The following WNK3 variants were observed in gnomAD, a reference collection of about 807,000 sequenced individuals.
WNK3 encodes the protein serine/threonine-protein kinase WNK3.
WNK3 carries 18 observed loss-of-function variants against 116.7 expected under a neutral mutation model. That is an observed-to-expected ratio of 0.15 (90% CI 0.11 to 0.23). The LOEUF is 0.23. Ranked by LOEUF, WNK3 falls within the 10% of genes least tolerant of loss-of-function variation. The probability of loss-of-function intolerance (pLI) is 1.00; values close to 1 mark genes in which losing one functional copy is unlikely to be tolerated. For synonymous variants in WNK3, 404 were observed against 469.4 expected, an observed-to-expected ratio of 0.86 and a Z score of 1.80; for missense variants, 993 against 1,323.8, an observed-to-expected ratio of 0.75 and a Z score of 3.88.
chrX:54,342,832 T>C (rs1557176704), intron 1 of WNK3, among the ~76,000 whole-genome samples: 1 of 110,446 alleles, frequency 9.1e-6, no homozygotes, highest in African/African-American at 3.3e-5. Flanking sequence ...GGGGCCATCG[T>C]GGATTCAAAT....
At chrX:54,302,742 T>C (rs2068775834) in intron 5 of WNK3, among the ~76,000 whole-genome samples, 2 of 45,058 alleles carry the variant, frequency 4.4e-5, no homozygotes, top group African/African-American at 7.7e-5. Flanking sequence ...TATATATATA[T>C]ATATATATAT....
intron 22 of WNK3, among the ~76,000 whole-genome samples, chrX:54,227,657 C>CAA: frequency 9.1e-6 from 1 of 109,586 alleles, no homozygotes; most frequent in South Asian, 3.8e-4. Flanking sequence ...TTCATAATAG[C>CAA]AAAAAAAAGA....
intron 22 of WNK3, among the ~76,000 whole-genome samples, chrX:54,225,202 G>A (rs1181932299): frequency 9.2e-6 from 1 of 109,239 alleles, no homozygotes; most frequent in Non-Finnish European, 1.9e-5. Context: ...AGTGAACAAT[G>A]ATCATGCCAC....
intron 2 of WNK3, among the ~76,000 whole-genome samples, chrX:54,319,163 A>C (rs999335344): frequency 1.4e-4 from 15 of 110,064 alleles, no homozygotes; most frequent in Non-Finnish European, 2.5e-4. Flanking sequence ...TCTGAAGAAT[A>C]ATTAGTAATT....
intron 1 of WNK3, among the ~76,000 whole-genome samples, chrX:54,343,285 G>A (rs1557176775): frequency 9.0e-6 from 1 of 110,740 alleles, no homozygotes; most frequent in African/African-American, 3.3e-5. Context: ...GAGGAGGGTG[G>A]ATCACGAGGT....
At chrX:54,321,635 G>C (rs782737952) in intron 2 of WNK3, among the ~76,000 whole-genome samples, 6 of 111,401 alleles carry the variant, frequency 5.4e-5, no homozygotes, top group Admixed American at 9.7e-5. Flanking sequence ...CCATACTAAA[G>C]CTTTGAGACA....
chrX:54,218,194 T>C (rs781793138), intron 22 of WNK3, among the ~76,000 whole-genome samples: 1 of 111,495 alleles, frequency 9.0e-6, no homozygotes, highest in Non-Finnish European at 1.9e-5. Flanking sequence ...CCTGCATATA[T>C]GGAGGGCTGA....
At chrX:54,354,472 C>A (rs1223761172) in intron 1 of WNK3, among the ~76,000 whole-genome samples, 1 of 110,528 alleles carries the variant, frequency 9.0e-6, no homozygotes, top group Non-Finnish European at 1.9e-5. Context: ...TCCTTCCCCA[C>A]GAAAACATAC....
At chrX:54,276,607 T>A (rs1557161010) in intron 10 of WNK3, among the ~76,000 whole-genome samples, 2 of 111,293 alleles carry the variant, frequency 1.8e-5, no homozygotes. Context: ...ATGAAGGCTG[T>A]TTCGATATTT....
At chrX:54,295,330 A>T (rs2068686956) in intron 7 of WNK3, among the ~76,000 whole-genome samples, 2 of 111,512 alleles carry the variant, frequency 1.8e-5, no homozygotes, top group Non-Finnish European at 3.8e-5. Flanking sequence ...GCATGAGAAA[A>T]ATCAATAGTA....
chrX:54,247,664 A>G (rs781933713), intron 17 of WNK3, among the ~76,000 whole-genome samples: 5 of 110,536 alleles, frequency 4.5e-5, no homozygotes, highest in Non-Finnish European at 9.4e-5. Context: ...CATATATACT[A>G]TGTACAAGTA....
intron 4 of WNK3, 73 bp from the exon 5 acceptor site, chrX:54,308,152 T>C: frequency 1.1e-6 from 1 of 917,927 alleles, no homozygotes; most frequent in South Asian, 3.2e-5. Context: ...TCCCCTTTCC[T>C]ATAAGGATTA....
intron 10 of WNK3, among the ~76,000 whole-genome samples, chrX:54,276,245 C>T (rs1557160791): frequency 9.1e-6 from 1 of 110,192 alleles, no homozygotes; most frequent in Non-Finnish European, 1.9e-5. Flanking sequence ...GAGGCTGAGA[C>T]AATTGCTTGA....
intron 2 of WNK3, among the ~76,000 whole-genome samples, chrX:54,317,980 T>C (rs1349735736): frequency 9.1e-6 from 1 of 110,277 alleles, no homozygotes; most frequent in Non-Finnish European, 1.9e-5. Context: ...TTTGGAATGA[T>C]AAAAAAGTAC....
intron 1 of WNK3, among the ~76,000 whole-genome samples, chrX:54,339,001 CAA>C (rs782133987): frequency 1.9e-4 from 8 of 41,265 alleles, no homozygotes; most frequent in Admixed American, 9.6e-4. Flanking sequence ...GACTCTGTCT[CAA>C]AAAAAAAAAA....
intron 10 of WNK3, among the ~76,000 whole-genome samples, chrX:54,273,534 T>G (rs1445153827): frequency 3.6e-5 from 4 of 111,330 alleles, no homozygotes; most frequent in Non-Finnish European, 5.7e-5. Flanking sequence ...AGAGCGAGAC[T>G]CCCATCTTAA....
intron 22 of WNK3, among the ~76,000 whole-genome samples, chrX:54,204,723 T>G: frequency 8.9e-6 from 1 of 112,206 alleles, no homozygotes. Context: ...CTTTAGAGCC[T>G]AAGCTTTTAT....
At chrX:54,261,728 T>G (rs1255399728) in intron 10 of WNK3, among the ~76,000 whole-genome samples, 1 of 112,031 alleles carries the variant, frequency 8.9e-6, no homozygotes, top group Non-Finnish European at 1.9e-5. Flanking sequence ...AAGAACATGT[T>G]AAGGGCTACA....
At chrX:54,201,841 A>G in intron 23 of WNK3, 150 bp downstream of exon 23, 1 of 498,721 alleles carries the variant, frequency 2.0e-6, no homozygotes, top group Non-Finnish European at 3.3e-6. Context: ...TAATTTGCTC[A>G]AAGACATAAT....
Sources: gnomAD v4.1 joint callset for allele counts (sites outside exome capture counted in the v4.1 genomes callset) on GRCh38, gnomAD v4.1.1 for gene constraint, MANE v1.5 for transcripts, NCBI Gene and HGNC (gene_info 2026-07-23, HGNC 2026-07-21) for gene names.